SLC25A53: variants seen among roughly 807,000 people sequenced by gnomAD.
The protein encoded by SLC25A53 is solute carrier family 25 member 53.
SLC25A53 carries 5 observed loss-of-function variants against 15.0 expected under a neutral mutation model. The observed-to-expected ratio is 0.33, with a 90% CI of 0.17 to 0.70. The LOEUF (loss-of-function observed/expected upper bound fraction) is 0.70, where lower values mean the gene tolerates loss of function less well. Ranked by LOEUF, SLC25A53 falls within the 30% of genes least tolerant of loss-of-function variation. SLC25A53 has a pLI of 0.67. For missense variants in SLC25A53, 216 were observed against 241.6 expected, an observed-to-expected ratio of 0.89 and a Z score of 0.70; for synonymous variants, 95 against 100.0, an observed-to-expected ratio of 0.95 and a Z score of 0.30.
chrX:104,131,856 C>A (rs782479244), intron 1 of SLC25A53, among the ~76,000 whole-genome samples: 1 of 111,643 alleles, frequency 9.0e-6, no homozygotes, highest in Non-Finnish European at 1.9e-5. Flanking sequence ...ACCTAGATGT[C>A]CAGCGGGTAC....
rs782329109 is a variant in SLC25A53 at position 104,156,864 on chromosome X, G to A, written c.-32+14C>T. 2 of 111,995 alleles carry A rather than the reference G, an allele frequency of 1.8e-5. No individual in the cohort carries two copies. The highest frequency in any genetic ancestry group is 5.6e-4 in the East Asian group (2 of 3,553). 9.2% of individuals were successfully genotyped at this position (111,995 alleles called of 1,213,427 possible). ...ATGTGTCTACGCCCTCAGCCCATAA[G>A]AAGTGCTACAAACCTCCGCCTCGCT... On this transcript the variant is annotated intron_variant, in intron 1 of 1. Transcript: ENST00000594199.
At chrX:104,126,435 C>T (rs1276597086) in intron 1 of SLC25A53, among the ~76,000 whole-genome samples, 2 of 111,819 alleles carry the variant, frequency 1.8e-5, no homozygotes, top group Non-Finnish European at 3.8e-5. Context: ...GAGAGCATCA[C>T]TTGAGGCCAG....
At chrX:104,122,237 C>T (rs781823172) in intron 1 of SLC25A53, among the ~76,000 whole-genome samples, 81 of 105,832 alleles carry the variant, frequency 7.7e-4, no homozygotes, top group Non-Finnish European at 1.4e-3. Flanking sequence ...TGTCTTTATT[C>T]TGAGTCCATT....
At chrX:104,152,018 TG>T (rs782014109) in intron 1 of SLC25A53, among the ~76,000 whole-genome samples, 90 of 110,915 alleles carry the variant, frequency 8.1e-4, no homozygotes, top group Non-Finnish European at 1.2e-3. Flanking sequence ...GTTGTCTCGC[TG>T]ACTCCTTTGG....
In SLC25A53 at chrX:104,112,531, G is replaced by A. The variant is rs2075352499; in HGVS notation, c.-31-7243C>T. ...GTCGCCCGGCCCGTCACGCTCTTTT[G>A]TCTCAGTCGCCAGAGACTGAAAGCA... On this transcript the variant is annotated intron_variant, in intron 1 of 1. Coordinates refer to ENST00000594199, the MANE Select transcript of SLC25A53 (RefSeq NM_001012755.5). The A allele has an allele frequency of 2.6e-5, 3 of 113,784 alleles. No individual in the cohort carries two copies. The Admixed American group carries it at 2.7e-4, about 10-fold the overall frequency. The allele number at this position is 113,784 out of a possible 1,213,427, so 9.4% of individuals were successfully genotyped here.
chrX:104,151,686 G>A, intron 1 of SLC25A53, among the ~76,000 whole-genome samples: 1 of 111,666 alleles, frequency 9.0e-6, no homozygotes, highest in Non-Finnish European at 1.9e-5. Context: ...AATCGCGTTT[G>A]CTGCTTTGAC....
intron 1 of SLC25A53, among the ~76,000 whole-genome samples, chrX:104,146,391 A>T (rs1175008049): frequency 8.9e-6 from 1 of 111,976 alleles, no homozygotes; most frequent in Non-Finnish European, 1.9e-5. Context: ...TTTGAAAACC[A>T]GCACAAGACA....
At chrX:104,149,990 T>G (rs1252416938) in intron 1 of SLC25A53, among the ~76,000 whole-genome samples, 2 of 110,727 alleles carry the variant, frequency 1.8e-5, no homozygotes, top group African/African-American at 6.6e-5. Flanking sequence ...CTCAATACTT[T>G]GGGAGTCCGA....
chrX:104,105,337 G>A (rs1209122548), intron 1 of SLC25A53, 49 bp from the exon 2 acceptor site: 3 of 895,186 alleles, frequency 3.4e-6, no homozygotes, highest in African/African-American at 4.0e-5. Flanking sequence ...TAATTCTGTT[G>A]GCAAGCATTT....
intron 1 of SLC25A53, among the ~76,000 whole-genome samples, chrX:104,135,754 C>T (rs2075435022): frequency 9.0e-6 from 1 of 111,707 alleles, no homozygotes; most frequent in South Asian, 3.7e-4. Context: ...CTCAATCAGA[C>T]ACAATTATTC....
At chrX:104,119,687 C>A (rs887819816) in intron 1 of SLC25A53, among the ~76,000 whole-genome samples, 2 of 105,158 alleles carry the variant, frequency 1.9e-5, no homozygotes, top group African/African-American at 7.0e-5. Context: ...ACTCTTTAAG[C>A]GGGGGGCGGG....
chrX:104,114,639 A>G (rs1569461273), intron 1 of SLC25A53: 7 of 1,210,273 alleles, frequency 5.8e-6, no homozygotes, highest in Admixed American at 2.2e-5. Context: ...CTCGCTTGCA[A>G]CAGCTTCTTT....
chrX:104,118,614 A>G (rs2075384801), intron 1 of SLC25A53, among the ~76,000 whole-genome samples: 1 of 112,663 alleles, frequency 8.9e-6, no homozygotes, highest in African/African-American at 3.2e-5. Context: ...CTATTAATTG[A>G]CACATATTTC....
At chrX:104,127,880 C>T (rs1245671134) in intron 1 of SLC25A53, among the ~76,000 whole-genome samples, 1 of 111,059 alleles carries the variant, frequency 9.0e-6, no homozygotes, top group African/African-American at 3.3e-5. Context: ...TCAAGAATGG[C>T]TTGAACTGGT....
intron 1 of SLC25A53, among the ~76,000 whole-genome samples, chrX:104,112,347 T>C (rs782511183): frequency 8.8e-6 from 1 of 113,268 alleles, no homozygotes; most frequent in East Asian, 2.8e-4. Flanking sequence ...AGTCCGTGCG[T>C]CCGAGCTGCT....
intron 1 of SLC25A53, among the ~76,000 whole-genome samples, chrX:104,131,687 T>C (rs1293803985): frequency 9.0e-6 from 1 of 111,420 alleles, no homozygotes; most frequent in Non-Finnish European, 1.9e-5. Flanking sequence ...TCTCCCCTTA[T>C]CTACTGGGTT....
intron 1 of SLC25A53, among the ~76,000 whole-genome samples, chrX:104,149,185 T>G (rs1421338190): frequency 8.9e-6 from 1 of 112,494 alleles, no homozygotes; most frequent in Non-Finnish European, 1.9e-5. Context: ...ACTATTTGCC[T>G]TCCTTGCTCC....
intron 1 of SLC25A53, chrX:104,114,932 A>G (rs782119632): frequency 5.8e-6 from 7 of 1,198,076 alleles, no homozygotes; most frequent in Non-Finnish European, 7.9e-6. Flanking sequence ...ACCCTTGATG[A>G]CTCTGATGAG....
intron 1 of SLC25A53, among the ~76,000 whole-genome samples, chrX:104,154,498 T>G (rs2075494559): frequency 1.8e-5 from 2 of 112,334 alleles, no homozygotes; most frequent in Admixed American, 9.4e-5. Flanking sequence ...TCCAAAGAAT[T>G]TGAAATCAGT....
Sources: allele counts gnomAD v4.1 joint callset (sites outside exome capture counted in the v4.1 genomes callset), GRCh38; gene constraint gnomAD v4.1.1; transcripts MANE v1.5; gene names NCBI Gene and HGNC (gene_info 2026-07-23, HGNC 2026-07-21).